The following MAB21L3 variants were observed in gnomAD, a reference collection of about 807,000 sequenced individuals.
MAB21L3 encodes mab-21 like 3, also known as protein mab-21-like 3.
A neutral mutation model predicts 37.7 loss-of-function variants in MAB21L3; 36 were observed. The ratio of observed to expected loss-of-function variants is 0.96; its 90% CI spans 0.73 to 1.26. The LOEUF (loss-of-function observed/expected upper bound fraction) is 1.26, where lower values mean the gene tolerates loss of function less well. Among genes scored for constraint, MAB21L3 ranks in the 50% most tolerant of loss-of-function variants. The pLI is 0.00. For synonymous variants in MAB21L3, 186 were observed against 176.8 expected (o/e 1.05, Z -0.41); for missense variants, 430 against 447.3 (o/e 0.96, Z 0.35).
intron 3 of MAB21L3, among the ~76,000 whole-genome samples, chr1:116,115,965 C>T (rs1364233375): frequency 6.6e-6 from 1 of 152,142 alleles, no homozygotes; most frequent in African/African-American, 2.4e-5. Flanking sequence ...CTCAAGGCTG[C>T]CTTGAAGCTG....
chr1:116,129,492 G>C (rs1290314689), intron 7 of MAB21L3, among the ~76,000 whole-genome samples: 1 of 152,172 alleles, frequency 6.6e-6, no homozygotes, highest in East Asian at 1.9e-4. Flanking sequence ...AGTCCCTGGG[G>C]CAGTCACCTA....
At chr1:116,131,465 T>C (rs1660062991) in intron 7 of MAB21L3, among the ~76,000 whole-genome samples, 1 of 152,244 alleles carries the variant, frequency 6.6e-6, no homozygotes, top group Non-Finnish European at 1.5e-5. Context: ...TTAAGGATGA[T>C]GTTTTTAGCT....
At position 116,135,615 on chromosome 1, in the gene MAB21L3, C is replaced by T. The variant is rs868177474; in HGVS notation, c.*2250C>T. Among the ~76,000 whole-genome samples the T allele has an allele frequency of 2.6e-5, 4 of 152,208 alleles. No individual in the cohort carries two copies. The highest frequency in any genetic ancestry group is 6.5e-5 in the Admixed American group (1 of 15,284). ...TCAATTGAAAAAGAGGGAATCCTCC[C>T]TAACTCATTTTATGAGGCCAGCATC... On this transcript the variant is annotated 3_prime_UTR_variant, in exon 8 of 8. Coordinates refer to ENST00000369500, the MANE Select transcript of MAB21L3 (RefSeq NM_152367.3).
At chr1:116,113,189 A>G (rs1659479381) in intron 3 of MAB21L3, among the ~76,000 whole-genome samples, 2 of 152,228 alleles carry the variant, frequency 1.3e-5, no homozygotes, top group African/African-American at 4.8e-5. Flanking sequence ...GGAAACTTAA[A>G]TATTACCTAG....
At chr1:116,125,888 C>T (rs7512104) in intron 5 of MAB21L3, among the ~76,000 whole-genome samples, 88 of 151,786 alleles carry the variant, frequency 5.8e-4, no homozygotes, top group African/African-American at 2.1e-3. Context: ...AGGGTGTGGG[C>T]CGGCAGGCTG....
intron 5 of MAB21L3, 31 bp from the exon 6 acceptor site, chr1:116,127,435 T>A: frequency 3.1e-6 from 5 of 1,600,970 alleles, no homozygotes; most frequent in Non-Finnish European, 3.4e-6. Context: ...ACCTTTCTCT[T>A]CTCCTTATCC....
intron 4 of MAB21L3, among the ~76,000 whole-genome samples, chr1:116,121,811 A>G (rs1482974576): frequency 6.6e-6 from 1 of 152,230 alleles, no homozygotes; most frequent in African/African-American, 2.4e-5. Context: ...AAACGACCTT[A>G]CTTAAACCTG....
At chr1:116,132,142 T>A (rs1660081435) in intron 7 of MAB21L3, among the ~76,000 whole-genome samples, 1 of 152,138 alleles carries the variant, frequency 6.6e-6, no homozygotes, top group Non-Finnish European at 1.5e-5. Context: ...AGGAGAAGTC[T>A]GGGCTGGAGA....
rs763618940 is a variant in MAB21L3 at position 116,124,061 on chromosome 1, C to T, written c.190-5C>T. 1 of 1,594,186 alleles carries T rather than the reference C, an allele frequency of 6.3e-7. No homozygotes were observed. ...TGCTTGTTTTCAATCCTTTCCTGACCCTAGGTTTTGGCTCCCAGTCAGTTC... is the reference window on the plus strand; with the variant it reads ...TGCTTGTTTTCAATCCTTTCCTGACTCTAGGTTTTGGCTCCCAGTCAGTTC... On this transcript the variant is annotated splice_polypyrimidine_tract_variant and splice_region_variant and intron_variant, in intron 4 of 7. Transcript: ENST00000369500.
At chr1:116,117,595 C>T (rs376249580) in intron 3 of MAB21L3, among the ~76,000 whole-genome samples, 46 of 152,284 alleles carry the variant, frequency 3.0e-4, no homozygotes, top group African/African-American at 1.1e-3. Flanking sequence ...ATCTCACTAA[C>T]TGAACTTACT....
chr1:116,121,104 C>T (rs773058514), intron 4 of MAB21L3, 32 bp downstream of exon 4: 2 of 1,600,328 alleles, frequency 1.2e-6, no homozygotes, highest in South Asian at 2.3e-5. Flanking sequence ...TAAGTGCCAC[C>T]AACAGAGCCA....
chr1:116,133,411 A>G lies in MAB21L3; in HGVS notation c.*46A>G, dbSNP rs754756367. On this transcript the variant is annotated 3_prime_UTR_variant, in exon 8 of 8. Transcript: ENST00000369500. ...GCTCTTGGACATTTTATTCTGGCTTAACATTGTTCTTTGGATGGTTCCTCA... is the reference window on the plus strand; with the variant it reads ...GCTCTTGGACATTTTATTCTGGCTTGACATTGTTCTTTGGATGGTTCCTCA... 1.3e-6 allele frequency: 2 copies of G among 1,556,892 alleles called. No homozygotes were observed. The highest frequency in any genetic ancestry group is 1.8e-6 in the Non-Finnish European group (2 of 1,129,414).
chr1:116,112,562 GAAA>G lies in MAB21L3; in HGVS notation c.-43_-41del. 9 of 1,296,026 alleles carry G rather than the reference GAAA, an allele frequency of 6.9e-6. No individual in the cohort carries two copies. The highest frequency in any genetic ancestry group is 1.6e-5 in the African/African-American group (1 of 63,730). The allele number at this position is 1,296,026 out of a possible 1,614,324, so 80.3% of individuals were successfully genotyped here. A position where few individuals can be genotyped will look rare whatever the true frequency, so the allele number is the denominator to read the frequency against. ...ACTCACAAGTGTTGCACTCCATTGA[GAAA>G]AAAAAAAAAACCAGGAAGTTGCTGT... On this transcript the variant is annotated 5_prime_UTR_variant, in exon 3 of 8. Coordinates refer to ENST00000369500, the MANE Select transcript of MAB21L3 (RefSeq NM_152367.3).
intron 4 of MAB21L3, among the ~76,000 whole-genome samples, chr1:116,122,666 T>C (rs114029719): frequency 0.026 from 3,936 of 152,264 alleles, 176 homozygotes; most frequent in African/African-American, 0.089. Flanking sequence ...GCTTAAGTGA[T>C]TTTCCCACCT....
chr1:116,120,402 T>C (rs36027650), intron 3 of MAB21L3, among the ~76,000 whole-genome samples: 2,480 of 91,690 alleles, frequency 0.027, 63 homozygotes, highest in African/African-American at 0.2. Context: ...TATTACATTA[T>C]ACACACACAC....
In MAB21L3 at chr1:116,133,595, G is replaced by A; in HGVS notation, c.*230G>A. 1 of 581,690 alleles carries A rather than the reference G, an allele frequency of 1.7e-6. No individual in the cohort carries two copies. Among genetic ancestry groups the A allele is most frequent in the Non-Finnish European group, 3.1e-6 (1 of 326,308 alleles). 36.0% of individuals were successfully genotyped at this position (581,690 alleles called of 1,614,324 possible). A position where few individuals can be genotyped will look rare whatever the true frequency, so the allele number is the denominator to read the frequency against. On this transcript the variant is annotated 3_prime_UTR_variant, in exon 8 of 8. Coordinates refer to ENST00000369500, the MANE Select transcript of MAB21L3 (RefSeq NM_152367.3). Reference sequence around the variant, plus strand: ...CATTTCTGCCCTAGCTAATTCTCCTGGAGACAGCTCTCATCAGGCTTCCCC... The same window carrying A: ...CATTTCTGCCCTAGCTAATTCTCCTAGAGACAGCTCTCATCAGGCTTCCCC...
At chr1:116,113,240 A>G (rs913509269) in intron 3 of MAB21L3, among the ~76,000 whole-genome samples, 2 of 152,212 alleles carry the variant, frequency 1.3e-5, no homozygotes, top group Non-Finnish European at 2.9e-5. Flanking sequence ...CTAAGGCATG[A>G]TGTTAATGTT....
intron 4 of MAB21L3, 66 bp from the exon 5 acceptor site, chr1:116,124,000 C>T: frequency 6.6e-7 from 1 of 1,522,234 alleles, no homozygotes. Flanking sequence ...AGGTTGGTTC[C>T]CAGGACTTCC....
In MAB21L3 at chr1:116,138,104, C is replaced by T. The variant is rs1016569348; in HGVS notation, c.*4739C>T. Reference sequence around the variant, plus strand: ...TAACCTGCACATTGTGCACATGTACCCTAAAACTTAAAGTATGATTAAAAA... The same window carrying T: ...TAACCTGCACATTGTGCACATGTACTCTAAAACTTAAAGTATGATTAAAAA... On this transcript the variant is annotated 3_prime_UTR_variant, in exon 8 of 8. Coordinates refer to ENST00000369500, the MANE Select transcript of MAB21L3 (RefSeq NM_152367.3). 6.6e-6 allele frequency among the ~76,000 whole-genome samples: 1 copy of T among 151,300 alleles called. No individual in the cohort carries two copies. Among genetic ancestry groups the T allele is most frequent in the Non-Finnish European group, 1.5e-5 (1 of 67,894 alleles).
Sources: gnomAD v4.1 joint callset for allele counts (sites outside exome capture counted in the v4.1 genomes callset) on GRCh38, gnomAD v4.1.1 for gene constraint, MANE v1.5 for transcripts, NCBI Gene and HGNC (gene_info 2026-07-23, HGNC 2026-07-21) for gene names.